PTPRN2: variants seen among roughly 807,000 people sequenced by gnomAD.
PTPRN2 encodes the protein protein tyrosine phosphatase receptor type N2.
In PTPRN2, 74 loss-of-function variants were observed where a neutral mutation model predicts 118.8. The observed-to-expected ratio is 0.62, with a 90% CI of 0.52 to 0.76. The LOEUF (loss-of-function observed/expected upper bound fraction) is 0.76, where lower values mean the gene tolerates loss of function less well. Ranked by LOEUF, PTPRN2 falls within the 30% of genes least tolerant of loss-of-function variation. The probability of loss-of-function intolerance (pLI) is 0.00; values close to 1 mark genes in which losing one functional copy is unlikely to be tolerated. For synonymous variants in PTPRN2, 641 were observed against 608.0 expected (o/e 1.05, Z -0.80); for missense variants, 1,481 against 1,394.4 (o/e 1.06, Z -0.99).
At chr7:158,327,878 G>C (rs529832507) in intron 2 of PTPRN2, among the ~76,000 whole-genome samples, 1 of 152,246 alleles carries the variant, frequency 6.6e-6, no homozygotes, top group Admixed American at 6.5e-5. Context: ...CGGTCCCATG[G>C]GGCTTCTCAA....
In PTPRN2 at chr7:157,831,366, C is replaced by T. The variant is rs369310544; in HGVS notation, c.1788+67307G>A. Among the ~76,000 whole-genome samples the T allele has an allele frequency of 1.2e-4, 19 of 152,326 alleles. No individual in the cohort carries two copies. In the East Asian group the frequency reaches 1.3e-3, roughly 11 times the overall value. ...ATATCCTGTAGTCTAAGCCTTCTCT[C>T]GTTGGGGTTTTCTGTTATTTCTTCC... On this transcript the variant is annotated intron_variant, in intron 12 of 22. Transcript: ENST00000389418. This position sits in a 1 kb window ranked among gnomAD's most constrained non-coding sequence, Gnocchi z 4.8.
At chr7:157,796,165 G>T (rs565277858) in intron 12 of PTPRN2, among the ~76,000 whole-genome samples, 1 of 152,216 alleles carries the variant, frequency 6.6e-6, no homozygotes, top group African/African-American at 2.4e-5. Flanking sequence ...CCTTAGAGAC[G>T]CGGGGATGCC....
At position 157,643,824 on chromosome 7, in the gene PTPRN2, C is replaced by T. The variant is rs143802346; in HGVS notation, c.2196+12533G>A. Reference sequence around the variant, plus strand: ...GCTCACCAGCCTCTCCGTCAGGCCTCGAAGGTTCGTCACCAACTCGTGCAG... The same window carrying T: ...GCTCACCAGCCTCTCCGTCAGGCCTTGAAGGTTCGTCACCAACTCGTGCAG... On this transcript the variant is annotated intron_variant, in intron 14 of 22. Transcript: ENST00000389418. Among the ~76,000 whole-genome samples, 118 of 152,318 alleles carry T rather than the reference C, an allele frequency of 7.7e-4. 1 individual carries two copies. The East Asian group carries it at 0.022, about 28-fold the overall frequency.
At chr7:158,533,068 G>T (rs1037466418) in intron 1 of PTPRN2, among the ~76,000 whole-genome samples, 9 of 152,162 alleles carry the variant, frequency 5.9e-5, no homozygotes, top group Non-Finnish European at 7.3e-5. Context: ...CATTCCAAGA[G>T]ACCAGCAATT....
chr7:157,700,363 G>C (rs537705682), intron 12 of PTPRN2, among the ~76,000 whole-genome samples: 2 of 152,282 alleles, frequency 1.3e-5, no homozygotes, highest in East Asian at 3.9e-4. Flanking sequence ...GGAAAAACCA[G>C]GCTCACTTGT....
intron 12 of PTPRN2, among the ~76,000 whole-genome samples, chr7:157,827,716 G>C (rs1807278951): frequency 6.6e-6 from 1 of 152,186 alleles, no homozygotes; most frequent in African/African-American, 2.4e-5. Flanking sequence ...GGGTGCCTTG[G>C]AGGAGGGCGG....
At chr7:158,550,178 C>T (rs2129450116) in intron 1 of PTPRN2, among the ~76,000 whole-genome samples, 1 of 152,344 alleles carries the variant, frequency 6.6e-6, no homozygotes. Context: ...CCTCGAGCTC[C>T]TCGGAGCCCC....
chr7:157,582,641 C>T (rs1197522046), intron 17 of PTPRN2, among the ~76,000 whole-genome samples: 4 of 151,906 alleles, frequency 2.6e-5, no homozygotes, highest in Non-Finnish European at 5.9e-5. Flanking sequence ...TTTGGGAGGC[C>T]GAGGCAGGTG....
intron 2 of PTPRN2, among the ~76,000 whole-genome samples, chr7:158,328,108 C>G (rs554051455): frequency 2.2e-3 from 339 of 152,292 alleles, no homozygotes; most frequent in Non-Finnish European, 4.2e-3. Context: ...TGTAAAAGTG[C>G]TCCCATTCTG....
chr7:157,672,068 C>T (rs1049074659), intron 13 of PTPRN2, among the ~76,000 whole-genome samples: 17 of 152,166 alleles, frequency 1.1e-4, no homozygotes, highest in African/African-American at 3.6e-4. Context: ...CCGAGGACAC[C>T]GCTGACTGGG....
intron 12 of PTPRN2, among the ~76,000 whole-genome samples, chr7:157,768,527 T>C (rs1802618811): frequency 1.3e-5 from 2 of 152,150 alleles, no homozygotes; most frequent in South Asian, 2.1e-4. Context: ...CAAGGAGCCA[T>C]GATGGGGATG....
chr7:157,725,058 T>G (rs1799450305), intron 12 of PTPRN2, among the ~76,000 whole-genome samples: 1 of 152,198 alleles, frequency 6.6e-6, no homozygotes, highest in African/African-American at 2.4e-5. Flanking sequence ...TTTCCCATAC[T>G]AAACAAAAAT....
intron 13 of PTPRN2, among the ~76,000 whole-genome samples, chr7:157,673,149 G>A (rs544746652): frequency 9.2e-5 from 14 of 152,108 alleles, no homozygotes; most frequent in South Asian, 2.1e-4. Context: ...TCAGCCTCCC[G>A]AGTAGCTGGG....
intron 12 of PTPRN2, among the ~76,000 whole-genome samples, chr7:157,766,996 A>G (rs1802523335): frequency 6.6e-6 from 1 of 152,148 alleles, no homozygotes; most frequent in Admixed American, 6.5e-5. Context: ...CCCTCTGGAC[A>G]CTGCCAGCCC....
At chr7:158,004,021 C>CG (rs1484987337) in intron 11 of PTPRN2, among the ~76,000 whole-genome samples, 2 of 152,148 alleles carry the variant, frequency 1.3e-5, no homozygotes, top group Non-Finnish European at 2.9e-5. Flanking sequence ...CAGAAGACTC[C>CG]GGCTCTCGGA....
intron 9 of PTPRN2, among the ~76,000 whole-genome samples, chr7:158,121,517 C>T (rs1158446896): frequency 6.6e-6 from 1 of 152,216 alleles, no homozygotes; most frequent in African/African-American, 2.4e-5. Context: ...AGCCAACTTC[C>T]CAATCAATGT....
intron 12 of PTPRN2, among the ~76,000 whole-genome samples, chr7:157,722,605 G>A (rs1190756609): frequency 6.6e-6 from 1 of 152,178 alleles, no homozygotes; most frequent in African/African-American, 2.4e-5. Flanking sequence ...CTCCTGCGTG[G>A]CCCGAGTGTG....
At position 158,238,396 on chromosome 7, in the gene PTPRN2, G is replaced by A. The variant is rs180916070; in HGVS notation, c.278-33123C>T. 5.9e-5 allele frequency among the ~76,000 whole-genome samples: 9 copies of A among 152,164 alleles called. No homozygotes were observed. The East Asian group carries it at 7.8e-4, about 13-fold the overall frequency. Reference sequence around the variant, plus strand: ...GGGTGGCACCAAAAGCACAGCAGGCGAGACGCGGGGCACAGGAAGGAAGGA... The same window carrying A: ...GGGTGGCACCAAAAGCACAGCAGGCAAGACGCGGGGCACAGGAAGGAAGGA... On this transcript the variant is annotated intron_variant, in intron 3 of 22. Transcript: ENST00000389418.
chr7:157,660,131 A>G (rs894338673), intron 13 of PTPRN2, among the ~76,000 whole-genome samples: 1 of 152,210 alleles, frequency 6.6e-6, no homozygotes, highest in Non-Finnish European at 1.5e-5. Flanking sequence ...AGTAACTTCT[A>G]TCTCTTCACA....
Sources: gnomAD v4.1 joint callset for allele counts (sites outside exome capture counted in the v4.1 genomes callset) on GRCh38, gnomAD v4.1.1 for gene constraint, Gnocchi (gnomAD v3.1) non-coding constraint, MANE v1.5 for transcripts, NCBI Gene and HGNC (gene_info 2026-07-23, HGNC 2026-07-21) for gene names.